Variants in SV2C observed in about 807,000 individuals in gnomAD.
The protein encoded by SV2C is synaptic vesicle glycoprotein 2C.
Under a neutral mutation model 79.7 loss-of-function variants are expected in SV2C, and 49 were observed. The observed-to-expected ratio is 0.61, with a 90% CI of 0.49 to 0.78. SV2C has a LOEUF of 0.78. Ranked by LOEUF, SV2C falls within the 30% of genes least tolerant of loss-of-function variation. SV2C has a pLI of 0.00. For missense variants in SV2C, 833 were observed against 912.9 expected, an observed-to-expected ratio of 0.91 and a Z score of 1.13; for synonymous variants, 334 against 333.2, an observed-to-expected ratio of 1.00 and a Z score of -0.03.
At chr5:75,992,224 A>G in the SV2C span, among the ~76,000 whole-genome samples, 1 of 152,024 alleles carries the variant, frequency 6.6e-6, no homozygotes, top group East Asian at 1.9e-4. Context: ...ATTGAACAAG[A>G]GCAAGAAGGC....
In SV2C at chr5:76,269,396, G is replaced by A. The variant is rs537703586; in HGVS notation, c.914-15766G>A. On this transcript the variant is annotated intron_variant, in intron 4 of 12. Coordinates refer to ENST00000502798, the MANE Select transcript of SV2C (RefSeq NM_014979.4). The stretch of plus-strand genomic sequence containing the variant: ...CATTGGACATACTTACACTAAAAAC[G>A]AATTTTTATCAGATGTAACTGCTGG... Among the ~76,000 whole-genome samples, 5 of 152,272 alleles carry A rather than the reference G, an allele frequency of 3.3e-5. No individual in the cohort carries two copies. In the East Asian group the frequency reaches 9.6e-4, roughly 29 times the overall value.
At chr5:76,099,293 G>C (rs1747662245) in intron 1 of SV2C, among the ~76,000 whole-genome samples, 1 of 151,964 alleles carries the variant, frequency 6.6e-6, no homozygotes, top group South Asian at 2.1e-4. Flanking sequence ...CTGAGCTCCT[G>C]AGACTCCTAG....
At chr5:76,237,462 C>G (rs1001549630) in intron 4 of SV2C, among the ~76,000 whole-genome samples, 2 of 152,256 alleles carry the variant, frequency 1.3e-5, no homozygotes, top group Admixed American at 6.5e-5. Context: ...CCTTCCGTTT[C>G]TTAGGTCTGC....
chr5:76,076,850 A>C, the SV2C span, among the ~76,000 whole-genome samples: 1 of 152,172 alleles, frequency 6.6e-6, no homozygotes, highest in African/African-American at 2.4e-5. Context: ...CTTACACTGA[A>C]AGTGTAAACC....
At chr5:75,869,845 G>C in the SV2C span, among the ~76,000 whole-genome samples, 1 of 152,178 alleles carries the variant, frequency 6.6e-6, no homozygotes, top group Non-Finnish European at 1.5e-5. Flanking sequence ...AACATAAGGG[G>C]AGAGAGCAAG....
At chr5:75,916,053 G>A in the SV2C span, among the ~76,000 whole-genome samples, 1 of 152,176 alleles carries the variant, frequency 6.6e-6, no homozygotes, top group Non-Finnish European at 1.5e-5. Context: ...TCAGGCAATA[G>A]AGAATTACTT....
chr5:76,322,685 A>T (rs1368399461), intron 12 of SV2C, among the ~76,000 whole-genome samples: 1 of 152,218 alleles, frequency 6.6e-6, no homozygotes, highest in Non-Finnish European at 1.5e-5. Context: ...GTACCAAAAC[A>T]GACATATAGA....
At chr5:76,155,193 G>C (rs1742685933) in intron 2 of SV2C, among the ~76,000 whole-genome samples, 1 of 152,194 alleles carries the variant, frequency 6.6e-6, no homozygotes, top group African/African-American at 2.4e-5. Context: ...AAAGGCAGTT[G>C]CTTACATGAC....
intron 4 of SV2C, among the ~76,000 whole-genome samples, chr5:76,214,413 C>T (rs1036322105): frequency 1.3e-5 from 2 of 152,180 alleles, no homozygotes; most frequent in East Asian, 1.9e-4. Context: ...TATGCCAGTA[C>T]TATGCTATTT....
At chr5:76,081,486 C>T (rs1309237790), upstream of SV2C, among the ~76,000 whole-genome samples, 1 of 152,090 alleles carries the variant, frequency 6.6e-6, no homozygotes, top group African/African-American at 2.4e-5. Flanking sequence ...ATAGTAGCAG[C>T]ACATTAATTT....
chr5:76,204,446 T>G (rs560460477), intron 3 of SV2C, among the ~76,000 whole-genome samples: 2 of 152,326 alleles, frequency 1.3e-5, no homozygotes, highest in African/African-American at 4.8e-5. Context: ...GACTTTACAA[T>G]GATTATTCAA....
the SV2C span, among the ~76,000 whole-genome samples, chr5:76,025,163 C>G: frequency 6.8e-6 from 1 of 146,438 alleles, no homozygotes; most frequent in Non-Finnish European, 1.5e-5. Flanking sequence ...AGCTCACATG[C>G]CTTGAGCACG....
the SV2C span, among the ~76,000 whole-genome samples, chr5:76,022,742 A>G: frequency 1.3e-5 from 2 of 152,256 alleles, no homozygotes; most frequent in African/African-American, 4.8e-5. Flanking sequence ...CACATATAAA[A>G]TAATGCATTA....
At chr5:75,871,866 T>A in the SV2C span, among the ~76,000 whole-genome samples, 1 of 140,990 alleles carries the variant, frequency 7.1e-6, no homozygotes, top group Non-Finnish European at 1.5e-5. Context: ...CACGTATATA[T>A]ATTTTTATTA....
the SV2C span, among the ~76,000 whole-genome samples, chr5:75,874,141 T>C: frequency 1.3e-5 from 2 of 152,222 alleles, no homozygotes; most frequent in South Asian, 4.1e-4. Flanking sequence ...ACAAACATCA[T>C]GCAAAAATCC....
chr5:76,229,849 A>T (rs1351226523), intron 4 of SV2C, among the ~76,000 whole-genome samples: 6 of 152,242 alleles, frequency 3.9e-5, no homozygotes, highest in African/African-American at 1.4e-4. Context: ...TCTGAAGTAC[A>T]TGAGATATTG....
At chr5:76,230,530 G>A (rs140383433) in intron 4 of SV2C, among the ~76,000 whole-genome samples, 5 of 152,276 alleles carry the variant, frequency 3.3e-5, no homozygotes, top group East Asian at 1.9e-4. Context: ...ATGGCTGGGC[G>A]TGGTGATCCA....
the SV2C span, among the ~76,000 whole-genome samples, chr5:75,905,584 G>C: frequency 6.6e-6 from 1 of 152,124 alleles, no homozygotes; most frequent in Non-Finnish European, 1.5e-5. Flanking sequence ...AACTGAGGCA[G>C]AGTACAGAAG....
the SV2C span, among the ~76,000 whole-genome samples, chr5:75,930,558 C>T: frequency 1.3e-5 from 2 of 152,248 alleles, no homozygotes; most frequent in Non-Finnish European, 2.9e-5. Context: ...GGCAGATTCT[C>T]TAGAAGGTCT....
Sources: gnomAD v4.1 joint callset for allele counts (sites outside exome capture counted in the v4.1 genomes callset) on GRCh38, gnomAD v4.1.1 for gene constraint, MANE v1.5 for transcripts, NCBI Gene and HGNC (gene_info 2026-07-23, HGNC 2026-07-21) for gene names.